The following TRPM3 variants were observed in gnomAD, a reference collection of about 807,000 sequenced individuals.
The protein encoded by TRPM3 is long transient receptor potential channel 3.
In TRPM3, 77 loss-of-function variants were observed where a neutral mutation model predicts 181.2. The ratio of observed to expected loss-of-function variants is 0.42; its 90% CI spans 0.35 to 0.51. The LOEUF (loss-of-function observed/expected upper bound fraction) is 0.51, where lower values mean the gene tolerates loss of function less well. Ranked by LOEUF, TRPM3 falls within the 20% of genes least tolerant of loss-of-function variation. The pLI is 0.01. For missense variants in TRPM3, 1,759 were observed against 2,196.7 expected, an observed-to-expected ratio of 0.80 and a Z score of 3.98; for synonymous variants, 745 against 796.4, an observed-to-expected ratio of 0.94 and a Z score of 1.09.
chr9:71,016,139 CAAAAA>C (rs58566593), intron 1 of TRPM3, among the ~76,000 whole-genome samples: 1 of 117,160 alleles, frequency 8.5e-6, no homozygotes, highest in African/African-American at 3.2e-5. Flanking sequence ...GACTCCCTCT[CAAAAA>C]AAAAAAAAAA....
intron 1 of TRPM3, among the ~76,000 whole-genome samples, chr9:70,939,903 G>T (rs536142135): frequency 6.6e-6 from 1 of 152,168 alleles, no homozygotes; most frequent in Admixed American, 6.5e-5. Context: ...TTTTGGAATT[G>T]CATTCAATAA....
chr9:71,274,163 T>C (rs2084010965), intron 1 of TRPM3, among the ~76,000 whole-genome samples: 2 of 152,282 alleles, frequency 1.3e-5, no homozygotes, highest in South Asian at 4.1e-4. Flanking sequence ...CTGTGACAAA[T>C]GTATGCCAAA....
chr9:71,408,406 T>C (rs1407072475), intron 1 of TRPM3, among the ~76,000 whole-genome samples: 1 of 152,106 alleles, frequency 6.6e-6, no homozygotes. Flanking sequence ...GAGAAGACCT[T>C]AAATGACCTG....
rs2073629560 is a variant in TRPM3, at chr9:71,121,454, T to TA, written c.-101dup. On this transcript the variant is annotated 5_prime_UTR_variant, in exon 1 of 26. It introduces an in-frame stop codon into an upstream open reading frame of the 5' UTR. Coordinates refer to ENST00000677713, the MANE Select transcript of TRPM3 (RefSeq NM_001366145.2). ...CCTTGCCTGAGCCCCTGAACCTTCT[T>TA]AAAACAGCCACCTCCCCTCTCTCTG... 6.8e-7 allele frequency: 1 copy of TA among 1,471,360 alleles called. No homozygotes were observed. The highest frequency in any genetic ancestry group is 2.5e-5 in the Admixed American group (1 of 39,368). 91.1% of individuals were successfully genotyped at this position (1,471,360 alleles called of 1,614,324 possible). A position where few individuals can be genotyped will look rare whatever the true frequency, so the allele number is the denominator to read the frequency against.
intron 1 of TRPM3, among the ~76,000 whole-genome samples, chr9:71,136,979 A>T (rs1444820604): frequency 6.6e-6 from 1 of 152,186 alleles, no homozygotes; most frequent in Non-Finnish European, 1.5e-5. Flanking sequence ...AGTGTGCAGT[A>T]AATGTAATCG....
At chr9:71,017,887 C>T (rs181679355) in intron 1 of TRPM3, among the ~76,000 whole-genome samples, 1 of 151,870 alleles carries the variant, frequency 6.6e-6, no homozygotes, top group Non-Finnish European at 1.5e-5. Flanking sequence ...TATGTTCTTT[C>T]CAAGTAAAAA....
intron 6 of TRPM3, 180 bp downstream of exon 6, chr9:70,827,667 G>A (rs921160668): frequency 1.2e-4 from 73 of 628,788 alleles, no homozygotes; most frequent in South Asian, 5.1e-5. Flanking sequence ...TACTTCTTAC[G>A]CCTCCAATTG....
intron 6 of TRPM3, among the ~76,000 whole-genome samples, chr9:70,787,940 ATAT>A (rs1472699527): frequency 1.3e-5 from 2 of 151,232 alleles, no homozygotes; most frequent in Non-Finnish European, 2.9e-5. Context: ...AAGAAATAGA[ATAT>A]TATTAGAACC....
At chr9:70,870,081 T>C (rs889657225) in intron 1 of TRPM3, among the ~76,000 whole-genome samples, 3 of 152,048 alleles carry the variant, frequency 2.0e-5, no homozygotes, top group African/African-American at 7.2e-5. Context: ...TTCCCTTTTC[T>C]TGTGGATGGT....
intron 1 of TRPM3, among the ~76,000 whole-genome samples, chr9:70,970,404 C>T (rs1338379680): frequency 6.6e-6 from 1 of 152,142 alleles, no homozygotes; most frequent in Non-Finnish European, 1.5e-5. Context: ...TAAATCCGTA[C>T]AAAGGTTGTC....
At chr9:70,686,794 C>CTTTCTCTCTCT (rs1563995948) in intron 8 of TRPM3, among the ~76,000 whole-genome samples, 1 of 94,602 alleles carries the variant, frequency 1.1e-5, no homozygotes, top group African/African-American at 4.2e-5. Flanking sequence ...TTTCTCTCTC[C>CTTTCTCTCTCT]CTCCCTCCCT....
chr9:70,540,505 A>G (rs1312130627), intron 25 of TRPM3, among the ~76,000 whole-genome samples: 1 of 152,162 alleles, frequency 6.6e-6, no homozygotes, highest in Non-Finnish European at 1.5e-5. Context: ...GAAAATTTGT[A>G]GGTGAGAGGC....
chr9:70,877,466 A>G (rs948299280), intron 1 of TRPM3, among the ~76,000 whole-genome samples: 2 of 152,028 alleles, frequency 1.3e-5, no homozygotes, highest in African/African-American at 4.8e-5. Context: ...TTTCAAATGT[A>G]AATTTTTGTA....
At chr9:70,944,126 G>A (rs1249497270) in intron 1 of TRPM3, among the ~76,000 whole-genome samples, 2 of 152,156 alleles carry the variant, frequency 1.3e-5, no homozygotes, top group Admixed American at 6.5e-5. Context: ...GGTTATACAA[G>A]TGACAGAGAA....
chr9:71,041,037 T>C (rs1191796646), intron 1 of TRPM3, among the ~76,000 whole-genome samples: 1 of 152,170 alleles, frequency 6.6e-6, no homozygotes, highest in Non-Finnish European at 1.5e-5. Flanking sequence ...GATGGCAAAA[T>C]CTGAATAGAT....
chr9:71,225,296 A>G (rs2080523835), intron 1 of TRPM3, among the ~76,000 whole-genome samples: 1 of 152,176 alleles, frequency 6.6e-6, no homozygotes, highest in Non-Finnish European at 1.5e-5. Flanking sequence ...TTCAGTGGAA[A>G]GCTTACAGAC....
At chr9:71,140,905 CG>C (rs1391272531) in intron 1 of TRPM3, among the ~76,000 whole-genome samples, 2 of 152,168 alleles carry the variant, frequency 1.3e-5, no homozygotes, top group African/African-American at 2.4e-5. Flanking sequence ...TGGGGAGACC[CG>C]GGGGTTTTAA....
At chr9:71,165,819 A>G (rs979399872) in intron 1 of TRPM3, among the ~76,000 whole-genome samples, 2 of 152,166 alleles carry the variant, frequency 1.3e-5, no homozygotes, top group African/African-American at 2.4e-5. Context: ...CCTAAGCCAG[A>G]GTTGAGCATG....
intron 1 of TRPM3, chr9:70,869,094 C>A (rs895995765): frequency 3.1e-6 from 3 of 977,470 alleles, no homozygotes; most frequent in East Asian, 1.1e-4. Context: ...CTCTTATGAC[C>A]GCCCACTGGA....
Sources: allele counts gnomAD v4.1 joint callset (sites outside exome capture counted in the v4.1 genomes callset), GRCh38; gene constraint gnomAD v4.1.1; transcripts MANE v1.5; gene names NCBI Gene and HGNC (gene_info 2026-07-23, HGNC 2026-07-21).